Variants in DNAH6 observed in about 807,000 individuals in gnomAD.
DNAH6 encodes dynein axonemal heavy chain 6, also known as axonemal beta dynein heavy chain 6.
In DNAH6, 340 loss-of-function variants were observed where a neutral mutation model predicts 491.4. That is an observed-to-expected ratio of 0.69 (90% CI 0.63 to 0.76). The LOEUF is 0.76. DNAH6 is among the 30% of genes least tolerant of loss of function. The pLI, the probability that DNAH6 is intolerant of heterozygous loss-of-function variation, is 0.00. For synonymous variants in DNAH6, 1,603 were observed against 1,686.1 expected (o/e 0.95, Z 1.21); for missense variants, 4,443 against 4,972.2 (o/e 0.89, Z 3.20).
At chr2:84,813,422 G>A (rs1012493862) in intron 74 of DNAH6, among the ~76,000 whole-genome samples, 7 of 152,128 alleles carry the variant, frequency 4.6e-5, no homozygotes, top group South Asian at 2.1e-4. Context: ...TATGACCCAC[G>A]CTCAAGGGCA....
At chr2:84,677,667 T>C (rs1693381148) in intron 41 of DNAH6, among the ~76,000 whole-genome samples, 1 of 152,174 alleles carries the variant, frequency 6.6e-6, no homozygotes, top group Admixed American at 6.5e-5. Context: ...ATCCTTTATA[T>C]GGGAAAAATA....
At chr2:84,615,569 G>A (rs933141022) in intron 22 of DNAH6, among the ~76,000 whole-genome samples, 5 of 151,924 alleles carry the variant, frequency 3.3e-5, no homozygotes. Context: ...CTAACTCTGT[G>A]AAGAATTATG....
intron 39 of DNAH6, among the ~76,000 whole-genome samples, chr2:84,671,583 T>G (rs1442711731): frequency 1.3e-5 from 2 of 152,148 alleles, no homozygotes; most frequent in Non-Finnish European, 2.9e-5. Context: ...CAGATGCCAG[T>G]CTATTTTCTG....
intron 37 of DNAH6, among the ~76,000 whole-genome samples, chr2:84,665,482 A>G (rs956590907): frequency 1.2e-4 from 18 of 152,360 alleles, no homozygotes; most frequent in African/African-American, 3.6e-4. Flanking sequence ...CTCTACACAA[A>G]TAAACTAGAA....
the DNAH6 span, among the ~76,000 whole-genome samples, chr2:84,474,081 C>T: frequency 1.3e-5 from 2 of 151,838 alleles, no homozygotes; most frequent in African/African-American, 4.8e-5. Context: ...TAATCTTGGG[C>T]AGCTAAAGGA....
chr2:84,524,879 G>A (rs1676468580), intron 2 of DNAH6, among the ~76,000 whole-genome samples: 1 of 151,986 alleles, frequency 6.6e-6, no homozygotes, highest in South Asian at 2.1e-4. Context: ...GCAACAGCTA[G>A]CCTTTTCCTT....
intron 46 of DNAH6, among the ~76,000 whole-genome samples, chr2:84,696,687 A>G (rs1302970378): frequency 6.6e-6 from 1 of 152,094 alleles, no homozygotes; most frequent in Non-Finnish European, 1.5e-5. Flanking sequence ...AAAATAACAG[A>G]TATCTTGTCA....
intron 68 of DNAH6, 89 bp downstream of exon 68, chr2:84,787,391 T>TC: frequency 1.0e-6 from 1 of 994,766 alleles, no homozygotes; most frequent in Non-Finnish European, 1.5e-6. Context: ...GATGGTGTCC[T>TC]CCCCCAGTGT....
At chr2:84,681,824 T>C (rs1400204260) in intron 42 of DNAH6, among the ~76,000 whole-genome samples, 1 of 151,982 alleles carries the variant, frequency 6.6e-6, no homozygotes, top group Non-Finnish European at 1.5e-5. Flanking sequence ...CTTCCTTCCC[T>C]GGGCTGAGCT....
At chr2:84,742,971 T>C (rs1672655158) in intron 62 of DNAH6, among the ~76,000 whole-genome samples, 2 of 152,216 alleles carry the variant, frequency 1.3e-5, no homozygotes, top group South Asian at 2.1e-4. Context: ...CATTAACTTA[T>C]TGAAAAGTGC....
At chr2:84,808,757 A>G (rs1023327621) in intron 72 of DNAH6, among the ~76,000 whole-genome samples, 2 of 152,240 alleles carry the variant, frequency 1.3e-5, no homozygotes, top group African/African-American at 2.4e-5. Context: ...TAACATTACA[A>G]ATTCTCAGTC....
chr2:84,715,787 A>C (rs1157180765), intron 58 of DNAH6, among the ~76,000 whole-genome samples, 160 bp downstream of exon 58: 2 of 152,078 alleles, frequency 1.3e-5, no homozygotes, highest in Non-Finnish European at 2.9e-5. Flanking sequence ...GTTCTTTACC[A>C]TTTCCATAGC....
At chr2:84,641,307 C>T (rs185662411) in intron 32 of DNAH6, among the ~76,000 whole-genome samples, 3 of 152,302 alleles carry the variant, frequency 2.0e-5, no homozygotes, top group Non-Finnish European at 1.5e-5. Context: ...AATCTCCCTG[C>T]ACTTTCCTAC....
rs376729985 is a variant in DNAH6, at chr2:84,648,628, T to G, written c.5079-4691T>G. ...GATGTGGTAGAAATAGCAAAAGAAC[T>G]AGAATTAGAAGTGGAGCCTGAAGAT... is the stretch of plus-strand genomic sequence containing the variant. On this transcript the variant is annotated intron_variant, in intron 33 of 76. Transcript: ENST00000389394. 3.9e-5 allele frequency among the ~76,000 whole-genome samples: 6 copies of G among 152,296 alleles called. No homozygotes were observed. The East Asian group carries it at 9.6e-4, about 24-fold the overall frequency.
At chr2:84,487,794 G>A in the DNAH6 span, among the ~76,000 whole-genome samples, 10 of 152,218 alleles carry the variant, frequency 6.6e-5, no homozygotes, top group Admixed American at 5.2e-4. Context: ...CCAGGTCAGC[G>A]GGAGACCTGA....
rs1685560160 is a variant in DNAH6 at position 84,604,418 on chromosome 2, C to T, written c.2948C>T (p.Thr983Ile). 6.4e-7 allele frequency: 1 copy of T among 1,552,024 alleles called. No individual in the cohort carries two copies. Among genetic ancestry groups the T allele is most frequent in the African/African-American group, 1.4e-5 (1 of 73,052 alleles). ...WAAIEQTVDA[T>I]LVDAEIPLTL... ...GCTATTGAACAAACAGTTGATGCCA[C>T]TCTAGTGGATGCTGAAATTCCATTA... Residue 983 changes from threonine to isoleucine, a missense_variant, in exon 19 of 77, where the codon ACT (threonine) becomes ATT (isoleucine). Physicochemically the swap from Thr to Ile is moderately conservative, Grantham distance 89. Around this residue, in one of 3 missense-constraint regions of DNAH6, gnomAD observed 2,977 missense variants for 3,296.6 expected, o/e 0.90. Transcript: ENST00000389394.
In DNAH6 at chr2:84,542,569, G is replaced by T. The variant is rs116089058; in HGVS notation, c.663-1664G>T. Among the ~76,000 whole-genome samples the T allele has an allele frequency of 5.9e-3, 900 of 152,204 alleles. 14 individuals carry two copies. Among genetic ancestry groups the T allele is most frequent in the African/African-American group, 0.021 (865 of 41,530 alleles). ...GACTATTCCTCTCCCACTTCGCACA[G>T]CACCATCAGCCCCCCACATCTCCTT... On this transcript the variant is annotated intron_variant, in intron 4 of 76. Coordinates refer to ENST00000389394, the MANE Select transcript of DNAH6 (RefSeq NM_001370.2).
intron 29 of DNAH6, among the ~76,000 whole-genome samples, chr2:84,628,225 G>T (rs573152583): frequency 1.3e-5 from 2 of 152,278 alleles, no homozygotes; most frequent in East Asian, 3.9e-4. Flanking sequence ...CAGAGAAAGA[G>T]GAATGGTATC....
At chr2:84,663,668 ACT>A (rs1691769413) in intron 37 of DNAH6, among the ~76,000 whole-genome samples, 1 of 152,168 alleles carries the variant, frequency 6.6e-6, no homozygotes, top group Non-Finnish European at 1.5e-5. Flanking sequence ...GTTGGAAAAC[ACT>A]CTGCAGGATA....
Sources: allele counts gnomAD v4.1 joint callset (sites outside exome capture counted in the v4.1 genomes callset), GRCh38; gene constraint gnomAD v4.1.1; regional missense constraint gnomAD v4.1.1; transcripts MANE v1.5; gene names NCBI Gene and HGNC (gene_info 2026-07-23, HGNC 2026-07-21).